Variants in FBLN1 observed in about 807,000 individuals in gnomAD.
FBLN1 encodes fibulin 1, also known as fibulin-1.
FBLN1 carries 34 observed loss-of-function variants against 89.7 expected under a neutral mutation model. The ratio of observed to expected loss-of-function variants is 0.38; its 90% CI spans 0.29 to 0.50. The LOEUF is 0.50. FBLN1 is among the 20% of genes least tolerant of loss of function. The pLI is 0.92. For synonymous variants in FBLN1, 393 were observed against 391.3 expected (o/e 1.00, Z -0.05); for missense variants, 777 against 988.1 (o/e 0.79, Z 2.86).
rs141355276 is a variant in FBLN1, at chr22:45,544,141, C to T, written c.1321+615C>T. On this transcript the variant is annotated intron_variant, in intron 11 of 16. Coordinates refer to ENST00000327858, the MANE Select transcript of FBLN1 (RefSeq NM_006486.3). The stretch of plus-strand genomic sequence containing the variant: ...TCGCTCTGTCACCCAGGCTGGAGTG[C>T]AATGCTACGATCTCGGCTCACTGCA... 2.5e-3 allele frequency among the ~76,000 whole-genome samples: 377 copies of T among 151,908 alleles called. 2 individuals are homozygous for T. Among genetic ancestry groups the T allele is most frequent in the Middle Eastern group, 0.014 (4 of 294 alleles).
At position 45,577,524 on chromosome 22, in the gene FBLN1, T is replaced by C. The variant is rs749635660; in HGVS notation, c.1972+416T>C. On this transcript the variant is annotated intron_variant, in intron 16 of 16. Coordinates refer to ENST00000327858, the MANE Select transcript of FBLN1 (RefSeq NM_006486.3). This position sits in a 1 kb window ranked among gnomAD's most constrained non-coding sequence, Gnocchi z 6.6. ...TATTCTTGGGGTGCAATGGGAGGGA[T>C]AGCAAAGTAGGAATCAGAGGGCCTG... 1.3e-5 allele frequency among the ~76,000 whole-genome samples: 2 copies of C among 152,166 alleles called. No individual in the cohort carries two copies. The highest frequency in any genetic ancestry group is 2.9e-5 in the Non-Finnish European group (2 of 68,024).
rs986542707 is a variant in FBLN1 at position 45,588,510 on chromosome 22, T to C, written c.1972+11402T>C. On this transcript the variant is annotated intron_variant, in intron 16 of 16. Transcript: ENST00000327858. The surrounding 1 kb of genome is among the most constrained non-coding windows in gnomAD (Gnocchi z 5.1). ...TCACCCTGTTTGTCCTTGCTTCTTATACACACACAGAACAGATGCACCCAC... is the reference window on the plus strand; with the variant it reads ...TCACCCTGTTTGTCCTTGCTTCTTACACACACACAGAACAGATGCACCCAC... Among the ~76,000 whole-genome samples the C allele has an allele frequency of 2.6e-5, 4 of 152,154 alleles. No homozygotes were observed. Among genetic ancestry groups the C allele is most frequent in the Non-Finnish European group, 5.9e-5 (4 of 68,036 alleles).
intron 16 of FBLN1, among the ~76,000 whole-genome samples, chr22:45,589,451 C>T (rs372853929): frequency 3.0e-4 from 45 of 152,284 alleles, no homozygotes; most frequent in African/African-American, 1.0e-3. Flanking sequence ...TCCATGGCAG[C>T]GCAGACAGTC....
intron 2 of FBLN1, among the ~76,000 whole-genome samples, chr22:45,522,201 G>A (rs539401089): frequency 6.6e-6 from 1 of 152,284 alleles, no homozygotes; most frequent in Non-Finnish European, 1.5e-5. Flanking sequence ...TGGCCAGGCT[G>A]GTCTCGAACT....
chr22:45,594,957 T>C (rs1392996433), intron 16 of FBLN1, among the ~76,000 whole-genome samples: 1 of 152,182 alleles, frequency 6.6e-6, no homozygotes, highest in African/African-American at 2.4e-5. Flanking sequence ...ATCAGAATCT[T>C]GATTCTGCAG....
At chr22:45,569,610 G>A (rs911090602) in intron 14 of FBLN1, among the ~76,000 whole-genome samples, 1 of 151,966 alleles carries the variant, frequency 6.6e-6, no homozygotes, top group Admixed American at 6.6e-5. Flanking sequence ...CTGTACTCCA[G>A]CCTGGGTGAC....
intron 16 of FBLN1, among the ~76,000 whole-genome samples, chr22:45,598,572 C>G (rs1274698842): frequency 6.6e-6 from 1 of 152,182 alleles, no homozygotes; most frequent in African/African-American, 2.4e-5. Context: ...TGTCCTGACT[C>G]CCCAGCCCTC....
intron 14 of FBLN1, among the ~76,000 whole-genome samples, chr22:45,560,354 G>T (rs192749901): frequency 1.3e-5 from 2 of 152,156 alleles, no homozygotes; most frequent in African/African-American, 4.8e-5. Context: ...AATCTGTTTC[G>T]AAAGACATTG....
chr22:45,553,841 C>T (rs893901243), intron 14 of FBLN1, among the ~76,000 whole-genome samples: 1 of 152,166 alleles, frequency 6.6e-6, no homozygotes, highest in Non-Finnish European at 1.5e-5. Context: ...TGCTTTCCTC[C>T]GCTTCCCTCT....
At chr22:45,566,435 A>G (rs2088902190) in intron 14 of FBLN1, among the ~76,000 whole-genome samples, 1 of 152,190 alleles carries the variant, frequency 6.6e-6, no homozygotes, top group South Asian at 2.1e-4. Flanking sequence ...CCTGTCCCGC[A>G]GCTCCTTGGG....
rs564916100 is a variant in FBLN1 at position 45,585,131 on chromosome 22, G to A, written c.1972+8023G>A. Among the ~76,000 whole-genome samples the A allele has an allele frequency of 9.2e-5, 14 of 152,330 alleles. No homozygotes were observed. In the South Asian group the frequency reaches 1.0e-3, roughly 11 times the overall value. ...TGTCTGAGAGAGAGAGAGAAGTGGC[G>A]TGTGGCAGGGCTGCTATGTACAGTT... On this transcript the variant is annotated intron_variant, in intron 16 of 16. Coordinates refer to ENST00000327858, the MANE Select transcript of FBLN1 (RefSeq NM_006486.3).
At position 45,536,875 on chromosome 22, in the gene FBLN1, C is replaced by A. The variant is rs944236028; in HGVS notation, c.922+1538C>A. On this transcript the variant is annotated intron_variant, in intron 8 of 16. Coordinates refer to ENST00000327858, the MANE Select transcript of FBLN1 (RefSeq NM_006486.3). The surrounding 1 kb of genome is among the most constrained non-coding windows in gnomAD (Gnocchi z 5.1). Reference sequence around the variant, plus strand: ...TAGGAGGCCTGGGCAAGACCGCTCACGCTAGAGGAGCTGTGTGGGGTGCGG... The same window carrying A: ...TAGGAGGCCTGGGCAAGACCGCTCAAGCTAGAGGAGCTGTGTGGGGTGCGG... Among the ~76,000 whole-genome samples, 14 of 152,226 alleles carry A rather than the reference C, an allele frequency of 9.2e-5. No homozygotes were observed. Among genetic ancestry groups the A allele is most frequent in the Admixed American group, 2.6e-4 (4 of 15,288 alleles).
chr22:45,543,328 C>T, intron 10 of FBLN1, 73 bp from the exon 11 acceptor site: 1 of 1,583,184 alleles, frequency 6.3e-7, no homozygotes, highest in South Asian at 1.1e-5. Context: ...CATGAGCTGG[C>T]CTTACTAGGA....
In FBLN1 at chr22:45,600,410, C is replaced by T. The variant is rs768570896; in HGVS notation, c.2076C>T (p.Val692=). Residue 692 remains valine, a synonymous_variant, in exon 17 of 17, where the codon GTC becomes GTT. Coordinates refer to ENST00000327858, the MANE Select transcript of FBLN1 (RefSeq NM_006486.3). ...VGGVVSHRNV[V]NVHIFVSEYW... ...GCGTGGTCTCCCACCGAAATGTTGTCAACGTCCACATCTTCGTCTCTGAGT... is the reference window on the plus strand; with the variant it reads ...GCGTGGTCTCCCACCGAAATGTTGTTAACGTCCACATCTTCGTCTCTGAGT... 5.6e-6 allele frequency: 9 copies of T among 1,614,218 alleles called. No homozygotes were observed. The highest frequency in any genetic ancestry group is 2.2e-5 in the East Asian group (1 of 44,880).
rs372264901 is a variant in FBLN1, at chr22:45,577,270, C to T, written c.1972+162C>T. Reference sequence around the variant, plus strand: ...GGCCACCACAGCTCCCAATCGGTCTCGGCCGGAGGAACAGCCAGAGTGGGG... The same window carrying T: ...GGCCACCACAGCTCCCAATCGGTCTTGGCCGGAGGAACAGCCAGAGTGGGG... On this transcript the variant is annotated intron_variant, in intron 16 of 16. Transcript: ENST00000327858. The surrounding 1 kb of genome is among the most constrained non-coding windows in gnomAD (Gnocchi z 6.6). 7.6e-4 allele frequency among the ~76,000 whole-genome samples: 116 copies of T among 152,242 alleles called. No homozygotes were observed. The highest frequency in any genetic ancestry group is 2.5e-3 in the South Asian group (12 of 4,820).
chr22:45,568,054 G>A (rs1029501576), intron 14 of FBLN1, among the ~76,000 whole-genome samples: 1 of 152,144 alleles, frequency 6.6e-6, no homozygotes, highest in Non-Finnish European at 1.5e-5. Flanking sequence ...AGAGACTGCT[G>A]GAAATGGAAC....
intron 14 of FBLN1, among the ~76,000 whole-genome samples, chr22:45,570,398 T>C (rs936652653): frequency 2.6e-5 from 2 of 77,280 alleles, no homozygotes; most frequent in African/African-American, 9.5e-5. Context: ...GAAAGGAAAA[T>C]AGAAAAATCG....
chr22:45,548,445 G>C (rs1456719116), intron 12 of FBLN1, among the ~76,000 whole-genome samples, 168 bp from the exon 13 acceptor site: 1 of 152,208 alleles, frequency 6.6e-6, no homozygotes, highest in Non-Finnish European at 1.5e-5. Context: ...CCCTAGGCTA[G>C]TCCCATCGCC....
At position 45,556,022 on chromosome 22, in the gene FBLN1, G is replaced by T. The variant is rs1003566519; in HGVS notation, c.1697+5407G>T. On this transcript the variant is annotated intron_variant, in intron 14 of 16. Transcript: ENST00000327858. This position sits in a 1 kb window ranked among gnomAD's most constrained non-coding sequence, Gnocchi z 4.6. ...TTGTTTGTGTGTTTTTTAAGACAGA[G>T]TCTCCCTCTGTTGCCGAGGCTGAAG... Among the ~76,000 whole-genome samples the T allele has an allele frequency of 1.3e-5, 2 of 152,192 alleles. No individual in the cohort carries two copies. Among genetic ancestry groups the T allele is most frequent in the African/African-American group, 4.8e-5 (2 of 41,442 alleles).
Sources: gnomAD v4.1 joint callset for allele counts (sites outside exome capture counted in the v4.1 genomes callset) on GRCh38, gnomAD v4.1.1 for gene constraint, Gnocchi (gnomAD v3.1) non-coding constraint, MANE v1.5 for transcripts, NCBI Gene and HGNC (gene_info 2026-07-23, HGNC 2026-07-21) for gene names.